The following MAG variants were observed in gnomAD, a reference collection of about 807,000 sequenced individuals.
MAG encodes the protein myelin-associated glycoprotein.
Under a neutral mutation model 60.7 loss-of-function variants are expected in MAG, and 30 were observed. That is an observed-to-expected ratio of 0.49 (90% CI 0.37 to 0.67). The LOEUF (loss-of-function observed/expected upper bound fraction) is 0.67, where lower values mean the gene tolerates loss of function less well. Among genes scored for constraint, MAG ranks in the 30% least tolerant of loss-of-function variants. The pLI is 0.00. For missense variants in MAG, 795 were observed against 851.7 expected (o/e 0.93, Z 0.83); for synonymous variants, 384 against 376.8 (o/e 1.02, Z -0.22).
At chr19:35,311,778 G>A in intron 9 of MAG, 140 bp from the exon 10 acceptor site, 1 of 639,526 alleles carries the variant, frequency 1.6e-6, no homozygotes, top group Non-Finnish European at 2.9e-6. Flanking sequence ...GGTAGGAGAG[G>A]CTGGTGGTTC....
At chr19:35,309,766 A>G in intron 7 of MAG, 108 bp from the exon 8 acceptor site, 2 of 1,218,700 alleles carry the variant, frequency 1.6e-6, no homozygotes, top group South Asian at 1.4e-5. Context: ...ACAGGAAGCT[A>G]CCGCCCCCAT....
In MAG at chr19:35,300,166, G is replaced by A. The variant is rs1266855593; in HGVS notation, c.732G>A (p.Glu244=). The change falls in exon 6 of 11, where the codon GAG becomes GAA. Residue 244 remains glutamate, a synonymous_variant. Coordinates refer to ENST00000392213, the MANE Select transcript of MAG (RefSeq NM_002361.4). ...CCTTAGACCCCCCGGTGATTGTGGA[G>A]ATGAACTCCTCGGTGGAGGCCATCG... is the stretch of plus-strand genomic sequence containing the variant. ...MDVKYPPVIV[E]MNSSVEAIEG... is the part of the protein sequence containing the mutation. 1 of 1,544,506 alleles carries A rather than the reference G, an allele frequency of 6.5e-7. No individual in the cohort carries two copies. The highest frequency in any genetic ancestry group is 8.8e-7 in the Non-Finnish European group (1 of 1,141,124).
intron 6 of MAG, among the ~76,000 whole-genome samples, chr19:35,301,384 A>G (rs1457877831): frequency 6.6e-6 from 1 of 151,640 alleles, no homozygotes; most frequent in Non-Finnish European, 1.5e-5. Context: ...TGGGGATATT[A>G]ATAATGACAG....
chr19:35,296,721 G>T (rs2066400685), intron 4 of MAG, among the ~76,000 whole-genome samples: 1 of 151,810 alleles, frequency 6.6e-6, no homozygotes, highest in African/African-American at 2.4e-5. Flanking sequence ...TCACCCTGGT[G>T]CAGAAAGAGA....
chr19:35,312,530 G>GC, intron 10 of MAG: 2 of 470,542 alleles, frequency 4.3e-6, no homozygotes, highest in East Asian at 4.3e-5. Flanking sequence ...AATTCCTGTG[G>GC]CTAGGGGGTG....
rs563633544 is a variant in MAG, at chr19:35,312,326, G to A, written c.1716+309G>A. On this transcript the variant is annotated intron_variant, in intron 10 of 10. Transcript: ENST00000392213. ...GGAATCTCACTGAGTGCCCCAGGAG[G>A]TAGGTTCCGGGGGCCTCAGTGTGCC... is the stretch of plus-strand genomic sequence containing the variant. 6 of 1,612,438 alleles carry A rather than the reference G, an allele frequency of 3.7e-6. No individual in the cohort carries two copies. In the South Asian group the frequency reaches 5.5e-5, roughly 15 times the overall value.
chr19:35,301,552 C>G (rs2066448545), intron 6 of MAG, among the ~76,000 whole-genome samples: 1 of 151,800 alleles, frequency 6.6e-6, no homozygotes, highest in Admixed American at 6.6e-5. Flanking sequence ...CTGCCTCAGC[C>G]TCCCGAGTAG....
chr19:35,300,303 T>A lies in MAG; in HGVS notation c.869T>A (p.Leu290Gln). ...GAGGCGGTGGCCGAGAGCCTGCTCCTGGAGCTGGAGGAGGTGACCCCCGCC... is the reference window on the plus strand; with the variant it reads ...GAGGCGGTGGCCGAGAGCCTGCTCCAGGAGCTGGAGGAGGTGACCCCCGCC... ...LREAVAESLL[L>Q]ELEEVTPAED... is the part of the protein sequence containing the mutation. Residue 290 changes from leucine to glutamine, a missense_variant, in exon 6 of 11, where the codon CTG becomes CAG. Physicochemically the swap from Leu to Gln is moderately radical, Grantham distance 113. Coordinates refer to ENST00000392213, the MANE Select transcript of MAG (RefSeq NM_002361.4). 1 of 1,599,670 alleles carries A rather than the reference T, an allele frequency of 6.3e-7. No individual in the cohort carries two copies.
At chr19:35,308,803 T>G (rs912612544) in intron 7 of MAG, among the ~76,000 whole-genome samples, 3 of 151,642 alleles carry the variant, frequency 2.0e-5, no homozygotes, top group African/African-American at 4.9e-5. Context: ...TATGTGAAAT[T>G]TTTTCTGCAT....
chr19:35,305,498 C>T (rs1478338252), intron 7 of MAG, among the ~76,000 whole-genome samples: 1 of 152,202 alleles, frequency 6.6e-6, no homozygotes, highest in Admixed American at 6.5e-5. Context: ...TACAAGGAAA[C>T]AGAAGTTTGA....
chr19:35,295,353 C>T lies in MAG; in HGVS notation c.-23-33C>T. ...AGATGGAACACCCCCTTTCACTTCC[C>T]CCAGCCTTTAACCCTCTCCTCTCCC... On this transcript the variant is annotated intron_variant, in intron 2 of 10. Coordinates refer to ENST00000392213, the MANE Select transcript of MAG (RefSeq NM_002361.4). This position sits in a 1 kb window ranked among gnomAD's most constrained non-coding sequence, Gnocchi z 5.8. The T allele has an allele frequency of 6.2e-7, 1 of 1,600,740 alleles. No individual in the cohort carries two copies. Among genetic ancestry groups the T allele is most frequent in the Admixed American group, 1.7e-5 (1 of 59,648 alleles).
chr19:35,300,538 G>A (rs2066441683), intron 6 of MAG, 134 bp downstream of exon 6: 12 of 1,157,890 alleles, frequency 1.0e-5, no homozygotes, highest in Non-Finnish European at 1.4e-5. Flanking sequence ...AGGTAGACAG[G>A]GGGGTTGCAA....
intron 1 of MAG, 140 bp downstream of exon 1, chr19:35,292,344 G>A: frequency 2.3e-6 from 1 of 425,958 alleles, no homozygotes; most frequent in Non-Finnish European, 4.8e-6. Context: ...GGAGTGTGTG[G>A]CTTGGGGCTG....
intron 4 of MAG, among the ~76,000 whole-genome samples, chr19:35,296,868 C>T (rs1048382586): frequency 1.3e-5 from 2 of 150,236 alleles, no homozygotes; most frequent in Non-Finnish European, 3.0e-5. Context: ...CCACACACTG[C>T]TCCTGCTACC....
At position 35,310,570 on chromosome 19, in the gene MAG, G is replaced by C; in HGVS notation, c.1543G>C (p.Gly515Arg). The C allele has an allele frequency of 1.9e-6, 3 of 1,614,188 alleles. No individual in the cohort carries two copies. Among genetic ancestry groups the C allele is most frequent in the Non-Finnish European group, 2.5e-6 (3 of 1,180,032 alleles). The change falls in exon 9 of 11, where the codon GGG (glycine) becomes CGG (arginine). Residue 515 changes from glycine (G) to arginine (R), a missense_variant. Coordinates refer to ENST00000392213, the MANE Select transcript of MAG (RefSeq NM_002361.4). ...GAHRLMWAKI[G>R]PVGAVVAFAI... ...AGATCGACTGATGTGGGCCAAGATC[G>C]GGCCTGTGGGCGCCGTGGTCGCCTT...
rs377004085 is a variant in MAG at position 35,310,109 on chromosome 19, C to T, written c.1467C>T (p.Thr489=). The change falls in exon 8 of 11, where the codon ACC becomes ACT. Residue 489 remains threonine (T), a synonymous_variant. Coordinates refer to ENST00000392213, the MANE Select transcript of MAG (RefSeq NM_002361.4). ...QAQAPPRVIC[T]ARNLYGAKSL... ...AGGCCCCGCCCCGCGTCATCTGCAC[C>T]GCGAGGAACCTCTATGGCGCCAAGA... 1.2e-6 allele frequency: 2 copies of T among 1,612,188 alleles called. No homozygotes were observed. Among genetic ancestry groups the T allele is most frequent in the African/African-American group, 1.3e-5 (1 of 74,914 alleles).
At chr19:35,298,945 A>G (rs1395729425) in intron 4 of MAG, among the ~76,000 whole-genome samples, 1 of 149,552 alleles carries the variant, frequency 6.7e-6, no homozygotes, top group Non-Finnish European at 1.5e-5. Context: ...CACACATACC[A>G]TACACAAAAA....
Position 35,295,296 on chromosome 19 carries a change from C to T in MAG, c.-23-90C>T, listed in dbSNP as rs1429472802. ...AAATAAATAATAATAGCAGCAGCAGCTAACATATGAATGGGCCCCTTCCTG... is the reference window on the plus strand; with the variant it reads ...AAATAAATAATAATAGCAGCAGCAGTTAACATATGAATGGGCCCCTTCCTG... On this transcript the variant is annotated intron_variant, in intron 2 of 10. Coordinates refer to ENST00000392213, the MANE Select transcript of MAG (RefSeq NM_002361.4). This position sits in a 1 kb window ranked among gnomAD's most constrained non-coding sequence, Gnocchi z 5.8. 1 of 947,126 alleles carries T rather than the reference C, an allele frequency of 1.1e-6. No individual in the cohort carries two copies. The highest frequency in any genetic ancestry group is 2.2e-5 in the Admixed American group (1 of 44,752). 58.7% of individuals were successfully genotyped at this position (947,126 alleles called of 1,614,324 possible).
Position 35,313,545 on chromosome 19 carries a change from G to A in MAG, c.*91G>A. On this transcript the variant is annotated 3_prime_UTR_variant, in exon 11 of 11. Coordinates refer to ENST00000392213, the MANE Select transcript of MAG (RefSeq NM_002361.4). ...GGCTCCCTTCCTCCCAAAAGTATCGGGGGCTGGGGCAGGAGGGGAGTGAGG... is the reference window on the plus strand; with the variant it reads ...GGCTCCCTTCCTCCCAAAAGTATCGAGGGCTGGGGCAGGAGGGGAGTGAGG... The A allele has an allele frequency of 7.4e-7, 1 of 1,351,562 alleles. No homozygotes were observed. 83.7% of individuals were successfully genotyped at this position (1,351,562 alleles called of 1,614,324 possible). A position where few individuals can be genotyped will look rare whatever the true frequency, so the allele number is the denominator to read the frequency against.
Sources: allele counts gnomAD v4.1 joint callset (sites outside exome capture counted in the v4.1 genomes callset), GRCh38; gene constraint gnomAD v4.1.1; non-coding constraint Gnocchi (gnomAD v3.1); transcripts MANE v1.5; gene names NCBI Gene and HGNC (gene_info 2026-07-23, HGNC 2026-07-21).